AKAP6: variants seen among roughly 807,000 people sequenced by gnomAD.
AKAP6 encodes the protein A-kinase anchoring protein 6, also known as A-kinase anchor protein 6.
Under a neutral mutation model 188.5 loss-of-function variants are expected in AKAP6, and 58 were observed. That is an observed-to-expected ratio of 0.31 (90% CI 0.25 to 0.38). The LOEUF is 0.38. AKAP6 is among the 10% of genes least tolerant of loss of function. The pLI, the probability that AKAP6 is intolerant of heterozygous loss-of-function variation, is 1.00. For synonymous variants in AKAP6, 989 were observed against 998.6 expected (o/e 0.99, Z 0.18); for missense variants, 2,710 against 2,740.0 (o/e 0.99, Z 0.24).
Position 32,830,779 on chromosome 14 carries a change from T to C in AKAP6, c.*974T>C, listed in dbSNP as rs2034805751. 1.3e-5 allele frequency: 2 copies of C among 152,754 alleles called. No homozygotes were observed. The highest frequency in any genetic ancestry group is 2.1e-4 in the South Asian group (1 of 4,828). The allele number at this position is 152,754 out of a possible 1,614,324, so 9.5% of individuals were successfully genotyped here. On this transcript the variant is annotated 3_prime_UTR_variant, in exon 14 of 14. Transcript: ENST00000280979. ...CCATTAGATTGCATGGTAATTAAAATTGGCATAATAAACACAGATTATTGG... is the reference window on the plus strand; with the variant it reads ...CCATTAGATTGCATGGTAATTAAAACTGGCATAATAAACACAGATTATTGG...
chr14:32,775,218 T>C (rs1192793759), intron 12 of AKAP6, among the ~76,000 whole-genome samples: 3 of 152,052 alleles, frequency 2.0e-5, no homozygotes, highest in African/African-American at 7.2e-5. Flanking sequence ...GATGAGATTA[T>C]TATTATTACT....
chr14:32,396,272 A>G (rs543712678), intron 1 of AKAP6, among the ~76,000 whole-genome samples: 2 of 152,278 alleles, frequency 1.3e-5, no homozygotes, highest in East Asian at 1.9e-4. Flanking sequence ...TGCCAGCCTC[A>G]TGGTGTTTAG....
intron 2 of AKAP6, among the ~76,000 whole-genome samples, chr14:32,507,726 T>C (rs1880952526): frequency 6.6e-6 from 1 of 152,196 alleles, no homozygotes. Context: ...GGACAGGCAT[T>C]GTAGAGGAGA....
chr14:32,583,597 G>A (rs1043404385), intron 5 of AKAP6, among the ~76,000 whole-genome samples: 3 of 152,368 alleles, frequency 2.0e-5, no homozygotes, highest in African/African-American at 7.2e-5. Flanking sequence ...ACAGAGGCAG[G>A]CAGGCCTTCT....
intron 7 of AKAP6, among the ~76,000 whole-genome samples, chr14:32,667,327 C>T (rs1455179906): frequency 1.3e-5 from 2 of 151,846 alleles, no homozygotes; most frequent in African/African-American, 4.8e-5. Flanking sequence ...TTTTGGAACA[C>T]TAAGAGTATG....
At chr14:32,732,808 G>T in intron 10 of AKAP6, 1 of 633,508 alleles carries the variant, frequency 1.6e-6, no homozygotes, top group Non-Finnish European at 2.7e-6. Context: ...TCCCCTCTCA[G>T]ATTTTAATAA....
At chr14:32,464,627 G>A (rs188982178) in intron 2 of AKAP6, among the ~76,000 whole-genome samples, 63 of 152,056 alleles carry the variant, frequency 4.1e-4, no homozygotes, top group Middle Eastern at 6.8e-3. Context: ...TGACAAACCC[G>A]TAACCAACAT....
chr14:32,645,430 A>G (rs1309128784), intron 7 of AKAP6, among the ~76,000 whole-genome samples: 1 of 152,084 alleles, frequency 6.6e-6, no homozygotes, highest in African/African-American at 2.4e-5. Context: ...CTTGTCATTT[A>G]TGTTTCTATT....
In AKAP6 at chr14:32,535,653, G is replaced by T. The variant is rs146442994; in HGVS notation, c.424G>T (p.Val142Leu). The T allele has an allele frequency of 1.8e-4, 288 of 1,614,238 alleles. No individual in the cohort carries two copies. In the African/African-American group the frequency reaches 3.6e-3, roughly 20 times the overall value. Residue 142 changes from valine (V) to leucine (L), a missense_variant, in exon 3 of 14, where the codon GTG (valine) becomes TTG (leucine). Transcript: ENST00000280979. ...GCTGTCTTACTCTGTCAACGTGATA[G>T]TGGACATCCACGCAGTGCAGCTCCT... ...KLLSYSVNVI[V>L]DIHAVQLLWH...
At chr14:32,513,259 G>A (rs1293507747) in intron 2 of AKAP6, among the ~76,000 whole-genome samples, 1 of 152,174 alleles carries the variant, frequency 6.6e-6, no homozygotes, top group Admixed American at 6.5e-5. Context: ...AAAGGAGATG[G>A]AGTGAGTAAG....
intron 1 of AKAP6, among the ~76,000 whole-genome samples, chr14:32,416,519 A>G (rs1351057250): frequency 6.6e-6 from 1 of 152,108 alleles, no homozygotes; most frequent in Non-Finnish European, 1.5e-5. Context: ...GATGCACAAA[A>G]TTTTAAAACT....
At chr14:32,681,362 G>GTGT (rs1889667876) in intron 8 of AKAP6, among the ~76,000 whole-genome samples, 2 of 152,136 alleles carry the variant, frequency 1.3e-5, no homozygotes, top group Non-Finnish European at 2.9e-5. Context: ...GGAGAGAACT[G>GTGT]AGAGGCAAAG....
intron 5 of AKAP6, among the ~76,000 whole-genome samples, chr14:32,591,057 G>A (rs1885464800): frequency 6.6e-6 from 1 of 152,012 alleles, no homozygotes; most frequent in Admixed American, 6.6e-5. Flanking sequence ...TTTGCACTGG[G>A]ACCTGTATAT....
chr14:32,698,685 T>C (rs1351324452), intron 9 of AKAP6, among the ~76,000 whole-genome samples: 1 of 152,164 alleles, frequency 6.6e-6, no homozygotes, highest in African/African-American at 2.4e-5. Context: ...CATCTTTGTT[T>C]CTTAAAATAC....
At chr14:32,571,011 G>A (rs377594402) in intron 4 of AKAP6, among the ~76,000 whole-genome samples, 3 of 152,140 alleles carry the variant, frequency 2.0e-5, no homozygotes, top group South Asian at 2.1e-4. Flanking sequence ...TTACCTCTTG[G>A]GCCTCACTCT....
chr14:32,719,535 C>T (rs1362599732), intron 9 of AKAP6, among the ~76,000 whole-genome samples: 1 of 152,114 alleles, frequency 6.6e-6, no homozygotes, highest in Non-Finnish European at 1.5e-5. Context: ...AGCAAGATAT[C>T]TCTTTGAGGA....
At chr14:32,657,814 A>C (rs1205355816) in intron 7 of AKAP6, among the ~76,000 whole-genome samples, 2 of 147,222 alleles carry the variant, frequency 1.4e-5, no homozygotes, top group African/African-American at 5.1e-5. Context: ...CCATATAATG[A>C]TGATGCTGTT....
At chr14:32,577,720 G>A (rs376997632) in intron 5 of AKAP6, among the ~76,000 whole-genome samples, 3 of 152,102 alleles carry the variant, frequency 2.0e-5, no homozygotes, top group East Asian at 3.9e-4. Flanking sequence ...TTGCTGCTAT[G>A]TGGGTTTTTC....
chr14:32,411,789 T>A (rs1162482933), intron 1 of AKAP6, among the ~76,000 whole-genome samples: 1 of 120,130 alleles, frequency 8.3e-6, no homozygotes, highest in Non-Finnish European at 1.8e-5. Flanking sequence ...ACCATCTCTC[T>A]TACTCTTTTT....
Sources: allele counts gnomAD v4.1 joint callset (sites outside exome capture counted in the v4.1 genomes callset), GRCh38; gene constraint gnomAD v4.1.1; transcripts MANE v1.5; gene names NCBI Gene and HGNC (gene_info 2026-07-23, HGNC 2026-07-21).